Variants in TM6SF1 observed in about 807,000 individuals in gnomAD.
The protein encoded by TM6SF1 is transmembrane 6 superfamily member 1.
A neutral mutation model predicts 47.1 loss-of-function variants in TM6SF1; 43 were observed. The ratio of observed to expected loss-of-function variants is 0.91; its 90% CI spans 0.72 to 1.18. TM6SF1 has a LOEUF of 1.18. TM6SF1 is among the 50% of genes most tolerant of loss of function. The pLI is 0.00. For missense variants in TM6SF1, 390 were observed against 449.0 expected, an observed-to-expected ratio of 0.87 and a Z score of 1.19; for synonymous variants, 177 against 166.3, an observed-to-expected ratio of 1.06 and a Z score of -0.49.
chr15:83,122,510 C>T, intron 5 of TM6SF1, among the ~76,000 whole-genome samples: 1 of 152,094 alleles, frequency 6.6e-6, no homozygotes, highest in Admixed American at 6.6e-5. Flanking sequence ...CCCAGGCTGG[C>T]TTGCAGTGGT....
rs1345106796 is a variant in TM6SF1 at position 83,107,885 on chromosome 15, A to G, written c.92+113A>G. Reference sequence around the variant, plus strand: ...GCTGGGACCGTCCGCCGCGGGACAGAGGTTCGTGGCCGCAGGGGCTCCCCG... The same window carrying G: ...GCTGGGACCGTCCGCCGCGGGACAGGGGTTCGTGGCCGCAGGGGCTCCCCG... On this transcript the variant is annotated intron_variant, in intron 1 of 9. Coordinates refer to ENST00000322019, the MANE Select transcript of TM6SF1 (RefSeq NM_023003.5). This position sits in a 1 kb window ranked among gnomAD's most constrained non-coding sequence, Gnocchi z 5.6. 4 of 1,337,628 alleles carry G rather than the reference A, an allele frequency of 3.0e-6. No individual in the cohort carries two copies. The African/African-American group carries it at 6.2e-5, about 21-fold the overall frequency. The allele number at this position is 1,337,628 out of a possible 1,614,324, so 82.9% of individuals were successfully genotyped here.
At chr15:83,123,106 G>A (rs1311520982) in intron 6 of TM6SF1, among the ~76,000 whole-genome samples, 1 of 152,236 alleles carries the variant, frequency 6.6e-6, no homozygotes, top group Non-Finnish European at 1.5e-5. Flanking sequence ...ATACTTTGGG[G>A]AGCTTCCTGT....
intron 9 of TM6SF1, chr15:83,129,194 T>TAC (rs1437187096): frequency 6.6e-6 from 1 of 152,200 alleles, no homozygotes; most frequent in Non-Finnish European, 1.5e-5. Context: ...CCGCTGCCCC[T>TAC]ACACTAGTCT....
intron 7 of TM6SF1, among the ~76,000 whole-genome samples, chr15:83,125,753 C>T (rs1316364205): frequency 6.6e-6 from 1 of 152,212 alleles, no homozygotes; most frequent in Non-Finnish European, 1.5e-5. Flanking sequence ...TAAGCCCATG[C>T]AGGTGACTTT....
chr15:83,135,768 A>G (rs2036567323), intron 9 of TM6SF1: 1 of 152,240 alleles, frequency 6.6e-6, no homozygotes, highest in Non-Finnish European at 1.5e-5. Context: ...TTATAATTTG[A>G]TTTAAAAAGG....
intron 1 of TM6SF1, among the ~76,000 whole-genome samples, chr15:83,110,052 G>A (rs369251845): frequency 5.3e-5 from 8 of 152,280 alleles, no homozygotes; most frequent in African/African-American, 9.6e-5. Context: ...GGCCAGCGCC[G>A]TGTGCATCGT....
In TM6SF1 at chr15:83,125,439, C is replaced by T. The variant is rs570101152; in HGVS notation, c.708+663C>T. 2.0e-5 allele frequency among the ~76,000 whole-genome samples: 3 copies of T among 152,328 alleles called. No homozygotes were observed. In the South Asian group the frequency reaches 6.2e-4, roughly 32 times the overall value. ...TAGCTGTGTGGCCTTGGAAAAACTA[C>T]TTAACCTCTTGGACTCTGTTTTCCT... On this transcript the variant is annotated intron_variant, in intron 7 of 9. Coordinates refer to ENST00000322019, the MANE Select transcript of TM6SF1 (RefSeq NM_023003.5).
chr15:83,111,648 G>A (rs1340484285), intron 1 of TM6SF1: 1 of 985,300 alleles, frequency 1.0e-6, no homozygotes, highest in Non-Finnish European at 1.2e-6. Flanking sequence ...TTGAGGAGTG[G>A]TGCTTGTAGC....
At chr15:83,117,697 GGCTCT>G (rs1161251736) in intron 3 of TM6SF1, among the ~76,000 whole-genome samples, 1 of 152,112 alleles carries the variant, frequency 6.6e-6, no homozygotes, top group African/African-American at 2.4e-5. Context: ...TGCAGGGCCA[GGCTCT>G]GGGGACCCAG....
intron 5 of TM6SF1, 150 bp downstream of exon 5, chr15:83,122,153 TA>T (rs35354291): frequency 8.5e-6 from 6 of 707,830 alleles, no homozygotes; most frequent in Non-Finnish European, 1.4e-5. Context: ...TTCTCACCTT[TA>T]AAAAAAGTAC....
intron 9 of TM6SF1, chr15:83,134,810 A>G (rs2151387900): frequency 6.6e-6 from 1 of 152,368 alleles, no homozygotes; most frequent in African/African-American, 2.4e-5. Context: ...ATGCTTGGTT[A>G]TATATTCAGA....
intron 7 of TM6SF1, among the ~76,000 whole-genome samples, chr15:83,125,776 G>T (rs755026265): frequency 6.6e-6 from 1 of 152,214 alleles, no homozygotes; most frequent in Non-Finnish European, 1.5e-5. Flanking sequence ...TCATTTCAGG[G>T]TCTTGGGCTA....
Position 83,112,827 on chromosome 15 carries a change from C to T in TM6SF1, c.123C>T (p.Leu41=). ...GGACTATTGTAGGGGTTGCTGCCCT[C>T]ATCCTGTTCCTGGTAGCACTGCTGG... ...DSWTIVGVAA[L]ILFLVALLAR... The change falls in exon 2 of 10, where the codon CTC becomes CTT. Residue 41 remains leucine, a synonymous_variant. Coordinates refer to ENST00000322019, the MANE Select transcript of TM6SF1 (RefSeq NM_023003.5). 1.2e-6 allele frequency: 2 copies of T among 1,614,156 alleles called. No homozygotes were observed. The highest frequency in any genetic ancestry group is 1.7e-6 in the Non-Finnish European group (2 of 1,179,988).
chr15:83,125,391 T>C (rs1385402841), intron 7 of TM6SF1, among the ~76,000 whole-genome samples: 1 of 152,246 alleles, frequency 6.6e-6, no homozygotes, highest in Non-Finnish European at 1.5e-5. Context: ...ACAGGCTTTG[T>C]AGTTAGAATC....
At position 83,122,843 on chromosome 15, in the gene TM6SF1, A is replaced by G. The variant is rs781606916; in HGVS notation, c.568A>G (p.Asn190Asp). 3 of 1,613,946 alleles carry G rather than the reference A, an allele frequency of 1.9e-6. No individual in the cohort carries two copies. Among genetic ancestry groups the G allele is most frequent in the Non-Finnish European group, 2.5e-6 (3 of 1,179,994 alleles). The part of the protein sequence containing the change: ...LPVWAGFRIY[N>D]QPSENYNYPS... The stretch of plus-strand genomic sequence containing the variant: ...TGTCTGGGCTGGTTTCAGAATCTAT[A>G]ATCAGCCATCAGAAAATTATAATTA... Residue 190 changes from asparagine (N) to aspartate (D), a missense_variant, in exon 6 of 10, where the codon AAT (asparagine) becomes GAT (aspartate). Asn to Asp is a conservative substitution (Grantham distance 23). Transcript: ENST00000322019.
chr15:83,134,270 G>A (rs984297346), intron 9 of TM6SF1: 1 of 151,932 alleles, frequency 6.6e-6, no homozygotes, highest in Non-Finnish European at 1.5e-5. Context: ...ACCCAGGCTG[G>A]AGTGCAGTGG....
At chr15:83,133,613 A>C (rs1046787027) in intron 9 of TM6SF1, 1 of 152,218 alleles carries the variant, frequency 6.6e-6, no homozygotes, top group African/African-American at 2.4e-5. Flanking sequence ...TCAACAACTC[A>C]TATCTGTAAT....
intron 7 of TM6SF1, 46 bp from the exon 8 acceptor site, chr15:83,126,709 A>G (rs747134493): frequency 3.3e-6 from 5 of 1,506,730 alleles, no homozygotes. Flanking sequence ...AAACCTAAGA[A>G]CCAGATGTGA....
chr15:83,127,315 A>G (rs751632753), intron 8 of TM6SF1, 43 bp from the exon 9 acceptor site: 12 of 1,532,238 alleles, frequency 7.8e-6, no homozygotes, highest in Non-Finnish European at 9.6e-6. Flanking sequence ...AGGCCAAGTT[A>G]ACTGCCAATT....
Sources: gnomAD v4.1 joint callset for allele counts (sites outside exome capture counted in the v4.1 genomes callset) on GRCh38, gnomAD v4.1.1 for gene constraint, Gnocchi (gnomAD v3.1) non-coding constraint, MANE v1.5 for transcripts, NCBI Gene and HGNC (gene_info 2026-07-23, HGNC 2026-07-21) for gene names.